RBM14: variants seen among roughly 807,000 people sequenced by gnomAD.
RBM14 encodes the protein RNA-binding protein 14.
Under a neutral mutation model 52.8 loss-of-function variants are expected in RBM14, and 5 were observed. The observed-to-expected ratio is 0.09, with a 90% CI of 0.05 to 0.20. The LOEUF is 0.20. Among genes scored for constraint, RBM14 ranks in the 10% least tolerant of loss-of-function variants. The probability of loss-of-function intolerance (pLI) is 1.00; values close to 1 mark genes in which losing one functional copy is unlikely to be tolerated. For missense variants in RBM14, 780 were observed against 926.6 expected, an observed-to-expected ratio of 0.84 and a Z score of 2.05; for synonymous variants, 411 against 401.8, an observed-to-expected ratio of 1.02 and a Z score of -0.28.
rs1256026557 is a variant in RBM14 at position 66,628,729 on chromosome 11, C to T, written c.*2061C>T. On this transcript the variant is annotated 3_prime_UTR_variant, in exon 3 of 3. Coordinates refer to ENST00000310137, the MANE Select transcript of RBM14 (RefSeq NM_006328.4). ...TAATAAGCCTACCTTTGGTTATTAC[C>T]CTGGAAAATTGAGGGTTGATGGTAG... Among the ~76,000 whole-genome samples, 1 of 152,072 alleles carries T rather than the reference C, an allele frequency of 6.6e-6. No homozygotes were observed. Among genetic ancestry groups the T allele is most frequent in the East Asian group, 1.9e-4 (1 of 5,198 alleles).
chr11:66,625,696 G>T lies in RBM14; in HGVS notation c.1802+18G>T. ...TCGAAAAGGTACTGTATGCCCCCCCGCCTCTGCCCCCAGCTGGGGCTTAGG... is the reference window on the plus strand; with the variant it reads ...TCGAAAAGGTACTGTATGCCCCCCCTCCTCTGCCCCCAGCTGGGGCTTAGG... On this transcript the variant is annotated intron_variant, in intron 2 of 2. Coordinates refer to ENST00000310137, the MANE Select transcript of RBM14 (RefSeq NM_006328.4). This position sits in a 1 kb window ranked among gnomAD's most constrained non-coding sequence, Gnocchi z 4.2. 6.4e-7 allele frequency: 1 copy of T among 1,553,142 alleles called. No homozygotes were observed. Among genetic ancestry groups the T allele is most frequent in the South Asian group, 1.2e-5 (1 of 85,740 alleles).
In RBM14 at chr11:66,626,682, T is replaced by G. The variant is rs774980663; in HGVS notation, c.*14T>G. 1 of 1,592,284 alleles carries G rather than the reference T, an allele frequency of 6.3e-7. No individual in the cohort carries two copies. Among genetic ancestry groups the G allele is most frequent in the South Asian group, 1.1e-5 (1 of 89,696 alleles). On this transcript the variant is annotated 3_prime_UTR_variant, in exon 3 of 3. Coordinates refer to ENST00000310137, the MANE Select transcript of RBM14 (RefSeq NM_006328.4). ...CGCCGCATGTAGGGCCATCCTGGGA[T>G]GGGGCACCACAGGGAGGGAGGGAGA...
At position 66,624,000 on chromosome 11, in the gene RBM14, G is replaced by A. The variant is rs1337067037; in HGVS notation, c.338-214G>A. The A allele has an allele frequency of 6.0e-6, 5 of 832,728 alleles. No homozygotes were observed. The African/African-American group carries it at 6.7e-5, about 11-fold the overall frequency. The allele number at this position is 832,728 out of a possible 1,614,324, so 51.6% of individuals were successfully genotyped here. A position where few individuals can be genotyped will look rare whatever the true frequency, so the allele number is the denominator to read the frequency against. On this transcript the variant is annotated intron_variant, in intron 1 of 2. Coordinates refer to ENST00000310137, the MANE Select transcript of RBM14 (RefSeq NM_006328.4). ...TGGCAGGGTTTGTAAAGGGGAGAATGGGAAGAAGGCTGTAGGCAAAGATGA... is the reference window on the plus strand; with the variant it reads ...TGGCAGGGTTTGTAAAGGGGAGAATAGGAAGAAGGCTGTAGGCAAAGATGA...
chr11:66,628,014 CTGTT>C lies in RBM14; in HGVS notation c.*1347_*1350del, dbSNP rs897969122. 6.6e-6 allele frequency among the ~76,000 whole-genome samples: 1 copy of C among 152,110 alleles called. No individual in the cohort carries two copies. The highest frequency in any genetic ancestry group is 2.4e-5 in the African/African-American group (1 of 41,410). On this transcript the variant is annotated 3_prime_UTR_variant, in exon 3 of 3. Coordinates refer to ENST00000310137, the MANE Select transcript of RBM14 (RefSeq NM_006328.4). ...CGGAGACTCCTTTACCTATCCCTATCTGTTAGGGTTTTCAGATGTCCTCTCGCTG... is the reference window on the plus strand; with the variant it reads ...CGGAGACTCCTTTACCTATCCCTATCAGGGTTTTCAGATGTCCTCTCGCTG...
At position 66,628,485 on chromosome 11, in the gene RBM14, T is replaced by G. The variant is rs1227900724; in HGVS notation, c.*1817T>G. Among the ~76,000 whole-genome samples, 1 of 147,504 alleles carries G rather than the reference T, an allele frequency of 6.8e-6. No individual in the cohort carries two copies. Among genetic ancestry groups the G allele is most frequent in the Non-Finnish European group, 1.5e-5 (1 of 66,340 alleles). On this transcript the variant is annotated 3_prime_UTR_variant, in exon 3 of 3. Transcript: ENST00000310137. ...TGCCATCGTGCAAAAGCATTCGATC[T>G]TATGACCGTGAGTTCTTATTTGTGG...
Position 66,629,068 on chromosome 11 carries a change from G to A in RBM14, c.*2400G>A, listed in dbSNP as rs762019794. 7.9e-5 allele frequency among the ~76,000 whole-genome samples: 12 copies of A among 152,110 alleles called. No homozygotes were observed. Among genetic ancestry groups the A allele is most frequent in the Non-Finnish European group, 1.6e-4 (11 of 68,016 alleles). ...CCAAATCATTTGTCATTTTTCTCTG[G>A]CAGATTGTTTTAAAATCTCCCTCCC... is the stretch of plus-strand genomic sequence containing the variant. On this transcript the variant is annotated 3_prime_UTR_variant, in exon 3 of 3. Coordinates refer to ENST00000310137, the MANE Select transcript of RBM14 (RefSeq NM_006328.4).
Position 66,627,113 on chromosome 11 carries a change from C to T in RBM14, c.*445C>T, listed in dbSNP as rs115851421. ...TTTCCTATGTGCCAAGCTGTGCCAG[C>T]AGTCCAGGGTACCCTGACTGTCCCT... is the stretch of plus-strand genomic sequence containing the variant. On this transcript the variant is annotated 3_prime_UTR_variant, in exon 3 of 3. Transcript: ENST00000310137. 0.013 allele frequency: 2,092 copies of T among 164,204 alleles called. 55 individuals are homozygous for T. The highest frequency in any genetic ancestry group is 0.048 in the African/African-American group (1,978 of 41,596). The allele number at this position is 164,204 out of a possible 1,614,324, so 10.2% of individuals were successfully genotyped here.
chr11:66,624,384 G>A lies in RBM14; in HGVS notation c.508G>A (p.Ala170Thr), dbSNP rs1179125515. The A allele has an allele frequency of 3.1e-6, 5 of 1,614,176 alleles. No individual in the cohort carries two copies. In the East Asian group the frequency reaches 1.1e-4, roughly 36 times the overall value. ...TGGGGACAAGACCAAGAAACCAGGGGCTGGGGATACGGCCTTCCCTGGAAC... is the reference window on the plus strand; with the variant it reads ...TGGGGACAAGACCAAGAAACCAGGGACTGGGGATACGGCCTTCCCTGGAAC... ...QSGDKTKKPGAGDTAFPGTGG... is the reference protein window; with the variant it reads ...QSGDKTKKPGTGDTAFPGTGG... Residue 170 changes from alanine to threonine, a missense_variant, in exon 2 of 3, where the codon GCT (alanine) becomes ACT (threonine). Physicochemically the swap from Ala to Thr is moderately conservative, Grantham distance 58. Around this residue, in one of 4 missense-constraint regions of RBM14, gnomAD observed 675 missense variants for 697.3 expected, o/e 0.97. Transcript: ENST00000310137. This position sits in a 1 kb window ranked among gnomAD's most constrained non-coding sequence, Gnocchi z 4.7.
intron 1 of RBM14, chr11:66,620,759 C>T (rs1365060204): frequency 2.6e-5 from 4 of 152,106 alleles, no homozygotes; most frequent in Non-Finnish European, 4.4e-5. Context: ...CTTGTAAGCC[C>T]ATGGAAGTTT....
rs546242813 is a variant in RBM14, at chr11:66,625,275, G to A, written c.1399G>A (p.Val467Met). Residue 467 changes from valine to methionine, a missense_variant, in exon 2 of 3, where the codon GTG becomes ATG. Transcript: ENST00000310137. The surrounding 1 kb of genome is among the most constrained non-coding windows in gnomAD (Gnocchi z 4.2). The stretch of plus-strand genomic sequence containing the variant: ...TGGCTCCTATGGGGCCCAGCCGGTT[G>A]TGCAGACCCAGCTGAATAGTTACGG... ...MAGSYGAQPVVQTQLNSYGAQ... is the reference protein window; with the variant it reads ...MAGSYGAQPVMQTQLNSYGAQ... 3 of 1,612,842 alleles carry A rather than the reference G, an allele frequency of 1.9e-6. No individual in the cohort carries two copies. The South Asian group carries it at 3.3e-5, about 18-fold the overall frequency.
At position 66,616,634 on chromosome 11, in the gene RBM14, C is replaced by T. The variant is rs1590837943; in HGVS notation, c.-87C>T. The T allele has an allele frequency of 5.5e-6, 8 of 1,464,576 alleles. No individual in the cohort carries two copies. The South Asian group carries it at 5.6e-5, about 10-fold the overall frequency. 90.7% of individuals were successfully genotyped at this position (1,464,576 alleles called of 1,614,324 possible). On this transcript the variant is annotated 5_prime_UTR_variant, in exon 1 of 3. Transcript: ENST00000310137. ...CGGGGTTCTCGGTCGCCAGCCATTC[C>T]TGAGGAGGACTGCCGGTCGTTCGGA...
intron 1 of RBM14, chr11:66,617,313 G>A: frequency 7.6e-7 from 1 of 1,316,124 alleles, no homozygotes; most frequent in Non-Finnish European, 9.7e-7. Context: ...GGCCGGGGAC[G>A]CGCCTGAGAG....
At position 66,616,821 on chromosome 11, in the gene RBM14, T is replaced by A; in HGVS notation, c.101T>A (p.Met34Lys). The change falls in exon 1 of 3, where the codon ATG (methionine) becomes AAG (lysine). Residue 34 changes from methionine (M) to lysine (K), a missense_variant. By Grantham distance (95) the Met-to-Lys change is moderately conservative. Coordinates refer to ENST00000310137, the MANE Select transcript of RBM14 (RefSeq NM_006328.4). Reference sequence around the variant, plus strand: ...GGCACGGTCATGAGCTGCGCCGTCATGAAACAGTTCGCCTTCGTGCACATG... The same window carrying A: ...GGCACGGTCATGAGCTGCGCCGTCAAGAAACAGTTCGCCTTCGTGCACATG... Reference protein sequence around the residue: ...PYGTVMSCAVMKQFAFVHMRE... With the variant: ...PYGTVMSCAVKKQFAFVHMRE... 1 of 1,612,666 alleles carries A rather than the reference T, an allele frequency of 6.2e-7. No individual in the cohort carries two copies. The highest frequency in any genetic ancestry group is 8.5e-7 in the Non-Finnish European group (1 of 1,179,744).
intron 1 of RBM14, chr11:66,620,712 C>T (rs1859067571): frequency 6.6e-6 from 1 of 152,198 alleles, no homozygotes; most frequent in Non-Finnish European, 1.5e-5. Context: ...ATAAAACTCA[C>T]TAAGGAGGGA....
Position 66,625,708 on chromosome 11 carries a change from A to G in RBM14, c.1802+30A>G, listed in dbSNP as rs367628232. On this transcript the variant is annotated intron_variant, in intron 2 of 2. Coordinates refer to ENST00000310137, the MANE Select transcript of RBM14 (RefSeq NM_006328.4). This position sits in a 1 kb window ranked among gnomAD's most constrained non-coding sequence, Gnocchi z 4.2. ...TGTATGCCCCCCCGCCTCTGCCCCC[A>G]GCTGGGGCTTAGGGCAAGGGGCTGA... 227 of 1,525,994 alleles carry G rather than the reference A, an allele frequency of 1.5e-4. 1 individual carries two copies. Among genetic ancestry groups the G allele is most frequent in the Admixed American group, 4.2e-4 (23 of 54,638 alleles). The allele number at this position is 1,525,994 out of a possible 1,614,324, so 94.5% of individuals were successfully genotyped here. A position where few individuals can be genotyped will look rare whatever the true frequency, so the allele number is the denominator to read the frequency against.
Position 66,624,728 on chromosome 11 carries a change from A to G in RBM14, c.852A>G (p.Pro284=), listed in dbSNP as rs376714525. 6 of 1,613,934 alleles carry G rather than the reference A, an allele frequency of 3.7e-6. No homozygotes were observed. The East Asian group carries it at 6.7e-5, about 18-fold the overall frequency. Reference sequence around the variant, plus strand: ...AGCCCTCTGTCTCCCTTGGGGCACCATACAGGGGCCAGCTGGCTAGTCCTA... The same window carrying G: ...AGCCCTCTGTCTCCCTTGGGGCACCGTACAGGGGCCAGCTGGCTAGTCCTA... ...RAQPSVSLGA[P]YRGQLASPSS... Residue 284 remains proline (P), a synonymous_variant, in exon 2 of 3, where the codon CCA becomes CCG. Transcript: ENST00000310137. This position sits in a 1 kb window ranked among gnomAD's most constrained non-coding sequence, Gnocchi z 4.7.
chr11:66,621,009 A>G (rs148483254), intron 1 of RBM14: 1 of 151,782 alleles, frequency 6.6e-6, no homozygotes, highest in South Asian at 2.1e-4. Flanking sequence ...AAGATTTTTT[A>G]AAATATTTAT....
At position 66,628,919 on chromosome 11, in the gene RBM14, G is replaced by A. The variant is rs898332066; in HGVS notation, c.*2251G>A. ...GCCAGTGGTGATGTTCTGTGTTGCA[G>A]CCCCAGCTCTTGAAAGTGACCTGGC... is the stretch of plus-strand genomic sequence containing the variant. On this transcript the variant is annotated 3_prime_UTR_variant, in exon 3 of 3. Coordinates refer to ENST00000310137, the MANE Select transcript of RBM14 (RefSeq NM_006328.4). Among the ~76,000 whole-genome samples the A allele has an allele frequency of 6.6e-6, 1 of 152,100 alleles. No homozygotes were observed. The highest frequency in any genetic ancestry group is 2.4e-5 in the African/African-American group (1 of 41,406).
Position 66,629,919 on chromosome 11 carries a change from G to A in RBM14, c.*3251G>A, listed in dbSNP as rs201887590. 4.6e-3 allele frequency among the ~76,000 whole-genome samples: 697 copies of A among 150,396 alleles called. 1 individual carries two copies. Among genetic ancestry groups the A allele is most frequent in the South Asian group, 6.7e-3 (32 of 4,780 alleles). On this transcript the variant is annotated 3_prime_UTR_variant, in exon 3 of 3. Transcript: ENST00000310137. ...CGGTGAGACCTTGTCTCTACCAAAAGAAAAGAAAAAAAAAAGCCAGCTGTG... is the reference window on the plus strand; with the variant it reads ...CGGTGAGACCTTGTCTCTACCAAAAAAAAAGAAAAAAAAAAGCCAGCTGTG...
Sources: gnomAD v4.1 joint callset for allele counts (sites outside exome capture counted in the v4.1 genomes callset) on GRCh38, gnomAD v4.1.1 for gene constraint, gnomAD v4.1.1 regional missense constraint, Gnocchi (gnomAD v3.1) non-coding constraint, MANE v1.5 for transcripts, NCBI Gene and HGNC (gene_info 2026-07-23, HGNC 2026-07-21) for gene names.